The following LAMC1 variants were observed in gnomAD, a reference collection of about 807,000 sequenced individuals.
LAMC1 encodes laminin subunit gamma 1.
Under a neutral mutation model 173.6 loss-of-function variants are expected in LAMC1, and 38 were observed. The observed-to-expected ratio is 0.22, with a 90% CI of 0.17 to 0.29. The LOEUF is 0.29. LAMC1 is among the 10% of genes least tolerant of loss of function. The pLI, the probability that LAMC1 is intolerant of heterozygous loss-of-function variation, is 1.00. For synonymous variants in LAMC1, 746 were observed against 749.1 expected, an observed-to-expected ratio of 1.00 and a Z score of 0.07; for missense variants, 1,824 against 2,051.8, an observed-to-expected ratio of 0.89 and a Z score of 2.14.
At chr1:183,029,117 A>G (rs529364356) in intron 1 of LAMC1, among the ~76,000 whole-genome samples, 2 of 152,360 alleles carry the variant, frequency 1.3e-5, no homozygotes, top group South Asian at 2.1e-4. Flanking sequence ...TCTGGTGAAC[A>G]GATAGGATCC....
rs1419118341 is a variant in LAMC1, at chr1:183,103,419, G to A, written c.510G>A (p.Gly170=). 1.2e-6 allele frequency: 2 copies of A among 1,614,178 alleles called. No homozygotes were observed. The highest frequency in any genetic ancestry group is 1.7e-6 in the Non-Finnish European group (2 of 1,180,038). The change falls in exon 2 of 28, where the codon GGG becomes GGA. Residue 170 remains glycine (G), a synonymous_variant. Coordinates refer to ENST00000258341, the MANE Select transcript of LAMC1 (RefSeq NM_002293.4). ...TTTACAAGCGCACACGGGAAGACGG[G>A]CCCTGGATTCCTTACCAGTACTACA... ...FAIYKRTRED[G]PWIPYQYYSG... is the part of the protein sequence containing the mutation.
At chr1:183,077,242 ATAAT>A (rs1326593354) in intron 1 of LAMC1, among the ~76,000 whole-genome samples, 3 of 152,160 alleles carry the variant, frequency 2.0e-5, no homozygotes, top group Non-Finnish European at 4.4e-5. Context: ...ACCTAGGAGA[ATAAT>A]TATATAGCAT....
chr1:183,101,187 A>G (rs889636859), intron 1 of LAMC1, among the ~76,000 whole-genome samples: 3 of 152,126 alleles, frequency 2.0e-5, no homozygotes, highest in Admixed American at 1.3e-4. Context: ...TCTATAATCT[A>G]CAGACTAGTG....
At chr1:183,038,838 GAA>G (rs1654050908) in intron 1 of LAMC1, among the ~76,000 whole-genome samples, 1 of 152,000 alleles carries the variant, frequency 6.6e-6, no homozygotes, top group Non-Finnish European at 1.5e-5. Context: ...TAGTTTTCTG[GAA>G]TGTCCACAGA....
At chr1:183,132,275 G>C in intron 20 of LAMC1, 125 bp from the exon 21 acceptor site, 1 of 640,342 alleles carries the variant, frequency 1.6e-6, no homozygotes. Context: ...CTGGGTGACA[G>C]AGCGAGACTC....
rs1656337812 is a variant in LAMC1 at position 183,116,853 on chromosome 1, C to T, written c.1514C>T (p.Thr505Ile). The T allele has an allele frequency of 1.2e-6, 2 of 1,614,050 alleles. No individual in the cohort carries two copies. Among genetic ancestry groups the T allele is most frequent in the South Asian group, 2.2e-5 (2 of 91,086 alleles). ...CFCFGHSSVC[T>I]NAVGYSVYSI... Reference sequence around the variant, plus strand: ...TGCTTTGGGCATTCTTCTGTCTGTACAAACGCTGTTGGCTACAGTGTTTAT... The same window carrying T: ...TGCTTTGGGCATTCTTCTGTCTGTATAAACGCTGTTGGCTACAGTGTTTAT... The change falls in exon 8 of 28, where the codon ACA (threonine) becomes ATA (isoleucine). Residue 505 changes from threonine to isoleucine, a missense_variant. Coordinates refer to ENST00000258341, the MANE Select transcript of LAMC1 (RefSeq NM_002293.4).
intron 1 of LAMC1, among the ~76,000 whole-genome samples, chr1:183,087,068 TCTCA>T (rs1189100816): frequency 6.6e-6 from 1 of 152,210 alleles, no homozygotes; most frequent in Non-Finnish European, 1.5e-5. Context: ...ACAATACTTC[TCTCA>T]CTGTGTATCT....
chr1:183,046,125 T>C (rs1222741659), intron 1 of LAMC1, among the ~76,000 whole-genome samples: 1 of 152,124 alleles, frequency 6.6e-6, no homozygotes, highest in Non-Finnish European at 1.5e-5. Flanking sequence ...TTGTGGGTAC[T>C]TTTTCTGTTA....
At chr1:183,108,605 CTTG>C (rs1385054259) in intron 3 of LAMC1, among the ~76,000 whole-genome samples, 199 bp downstream of exon 3, 2 of 152,182 alleles carry the variant, frequency 1.3e-5, no homozygotes, top group South Asian at 2.1e-4. Context: ...GTGAGATCTT[CTTG>C]TTGTTCTGGA....
intron 1 of LAMC1, among the ~76,000 whole-genome samples, chr1:183,024,923 C>T (rs1187747453): frequency 2.0e-5 from 3 of 152,218 alleles, no homozygotes; most frequent in African/African-American, 4.8e-5. Context: ...AACTTCATGG[C>T]AGGGCAGTGG....
At chr1:183,061,850 T>G (rs1654752515) in intron 1 of LAMC1, among the ~76,000 whole-genome samples, 1 of 152,356 alleles carries the variant, frequency 6.6e-6, no homozygotes, top group Admixed American at 6.5e-5. Flanking sequence ...TTATATTGAA[T>G]GCTCATAATA....
chr1:183,132,349 G>T, intron 20 of LAMC1, 51 bp from the exon 21 acceptor site: 1 of 1,405,682 alleles, frequency 7.1e-7, no homozygotes, highest in Non-Finnish European at 9.9e-7. Context: ...TTTTACTTAT[G>T]TCCCTATCAG....
intron 2 of LAMC1, among the ~76,000 whole-genome samples, chr1:183,105,829 C>T (rs2182020): frequency 0.52 from 78,602 of 152,036 alleles, 21,003 homozygotes; most frequent in South Asian, 0.65. Flanking sequence ...CTTCATTGCT[C>T]CCTAAACCTC....
chr1:183,102,655 C>G (rs1323488578), intron 1 of LAMC1, among the ~76,000 whole-genome samples: 1 of 152,194 alleles, frequency 6.6e-6, no homozygotes, highest in Non-Finnish European at 1.5e-5. Context: ...CTCATATATT[C>G]TCTTTTGAAC....
At chr1:183,107,601 C>T (rs1490514648) in intron 2 of LAMC1, among the ~76,000 whole-genome samples, 6 of 152,210 alleles carry the variant, frequency 3.9e-5, no homozygotes, top group African/African-American at 9.6e-5. Context: ...GAGGCCGAGG[C>T]GGGTGTATCA....
At chr1:183,103,680 G>A (rs367674327) in intron 2 of LAMC1, 48 bp downstream of exon 2, 20 of 1,483,324 alleles carry the variant, frequency 1.3e-5, no homozygotes, top group African/African-American at 2.8e-5. Context: ...TACAACATGC[G>A]AGGTGTGGGA....
chr1:183,129,387 CA>C (rs1369817057), intron 18 of LAMC1, among the ~76,000 whole-genome samples: 2 of 151,990 alleles, frequency 1.3e-5, no homozygotes, highest in Non-Finnish European at 2.9e-5. Flanking sequence ...TGCGCCCAGC[CA>C]AAAAATTTTT....
intron 1 of LAMC1, among the ~76,000 whole-genome samples, chr1:183,078,581 C>CA (rs34274029): frequency 0.52 from 68,869 of 131,914 alleles, 16,779 homozygotes; most frequent in East Asian, 0.63. Flanking sequence ...GACTCCGTCT[C>CA]AAAAAAAAAA....
chr1:183,023,767 C>G lies in LAMC1; in HGVS notation c.51C>G (p.Leu17=). ...AAPALRPRGR[L]WPVLAVLAAA... ...CGGCCCTGCGGCCCCGGGGGCGGCTCTGGCCCGTGCTGGCCGTGCTGGCGG... is the reference window on the plus strand; with the variant it reads ...CGGCCCTGCGGCCCCGGGGGCGGCTGTGGCCCGTGCTGGCCGTGCTGGCGG... The change falls in exon 1 of 28, where the codon CTC becomes CTG. Residue 17 remains leucine, a synonymous_variant. Coordinates refer to ENST00000258341, the MANE Select transcript of LAMC1 (RefSeq NM_002293.4). The G allele has an allele frequency of 7.8e-6, 11 of 1,402,862 alleles. No homozygotes were observed. Among genetic ancestry groups the G allele is most frequent in the Non-Finnish European group, 1.0e-5 (11 of 1,077,668 alleles). 86.9% of individuals were successfully genotyped at this position (1,402,862 alleles called of 1,614,324 possible).
Sources: allele counts gnomAD v4.1 joint callset (sites outside exome capture counted in the v4.1 genomes callset), GRCh38; gene constraint gnomAD v4.1.1; transcripts MANE v1.5; gene names NCBI Gene and HGNC (gene_info 2026-07-23, HGNC 2026-07-21).